TRIM21: variants seen among roughly 807,000 people sequenced by gnomAD.
TRIM21 encodes tripartite motif containing 21, also known as E3 ubiquitin-protein ligase TRIM21.
In TRIM21, 35 loss-of-function variants were observed where a neutral mutation model predicts 36.1. The observed-to-expected ratio is 0.97, with a 90% confidence interval of 0.74 to 1.28. TRIM21 has a LOEUF of 1.28. Among genes scored for constraint, TRIM21 ranks in the 50% most tolerant of loss-of-function variants. The pLI is 0.00. For synonymous variants in TRIM21, 256 were observed against 211.5 expected, an observed-to-expected ratio of 1.21 and a Z score of -1.83; for missense variants, 635 against 570.7, an observed-to-expected ratio of 1.11 and a Z score of -1.15.
At chr11:4,393,290 C>T (rs1016904212) in intron 1 of TRIM21, among the ~76,000 whole-genome samples, 2 of 152,170 alleles carry the variant, frequency 1.3e-5, no homozygotes, top group Non-Finnish European at 2.9e-5. Flanking sequence ...CACACCCAGC[C>T]GTCATCCTAG....
rs1278976242 is a variant in TRIM21 at position 4,388,343 on chromosome 11, T to C, written c.692A>G (p.Glu231Gly). The change falls in exon 4 of 7, where the codon GAG becomes GGG. Residue 231 changes from glutamate (E) to glycine (G), a missense_variant. By Grantham distance (98) the Glu-to-Gly change is moderately conservative. Transcript: ENST00000254436. ...QSQALQELIS[E>G]LDRRCHSSAL... is the part of the protein sequence containing the mutation. The stretch of plus-strand genomic sequence containing the variant: ...TGAGCTGTGGCACCTTCGATCTAGC[T>C]CTGAGATGAGCTCCTGTAGGGCCTG... 1 of 1,614,024 alleles carries C rather than the reference T, an allele frequency of 6.2e-7. No homozygotes were observed. The highest frequency in any genetic ancestry group is 1.7e-5 in the Admixed American group (1 of 60,028).
rs142506989 is a variant in TRIM21 at position 4,385,205 on chromosome 11, G to C, written c.*80C>G. ...CCTCTGCAGAGACAAAGGTGGTTCA[G>C]AGTTCATGGGGAAAAGAGGCAGGGT... is the stretch of plus-strand genomic sequence containing the variant. On this transcript the variant is annotated 3_prime_UTR_variant, in exon 7 of 7. Transcript: ENST00000254436. 4 of 1,391,486 alleles carry C rather than the reference G, an allele frequency of 2.9e-6. No homozygotes were observed. The highest frequency in any genetic ancestry group is 3.9e-6 in the Non-Finnish European group (4 of 1,029,692). 86.2% of individuals were successfully genotyped at this position (1,391,486 alleles called of 1,614,324 possible).
Position 4,388,516 on chromosome 11 carries a change from T to C in TRIM21, c.519A>G (p.Thr173=). The change falls in exon 4 of 7, where the codon ACA becomes ACG. Residue 173 remains threonine (T), a synonymous_variant. Transcript: ENST00000254436. ...ACTCTGCGTGAATCCTAGATTTCTG[T>C]GTTTCCACTGTTTTCTTTAGTGTCA... The part of the protein sequence containing the change: ...KRADWKKTVE[T]QKSRIHAEFV... The C allele has an allele frequency of 6.2e-7, 1 of 1,608,524 alleles. No individual in the cohort carries two copies. The highest frequency in any genetic ancestry group is 8.5e-7 in the Non-Finnish European group (1 of 1,179,822).
Position 4,385,357 on chromosome 11 carries a change from A to G in TRIM21, c.1356T>C (p.Asp452=), listed in dbSNP as rs775435709. Residue 452 remains aspartate, a synonymous_variant, in exon 7 of 7, where the codon GAT becomes GAC. Transcript: ENST00000254436. Reference sequence around the variant, plus strand: ...TTAGAGGGGCTGTGTTTTTTCCTCCATCATTGAAACCAGGACTGAAGAAGG... The same window carrying G: ...TTAGAGGGGCTGTGTTTTTTCCTCCGTCATTGAAACCAGGACTGAAGAAGG... ...LRPFFSPGFN[D]GGKNTAPLTL... 13 of 1,613,772 alleles carry G rather than the reference A, an allele frequency of 8.1e-6. No homozygotes were observed. Among genetic ancestry groups the G allele is most frequent in the South Asian group, 2.2e-5 (2 of 91,060 alleles).
At chr11:4,389,778 C>T in intron 2 of TRIM21, 29 bp from the exon 3 acceptor site, 1 of 1,601,536 alleles carries the variant, frequency 6.2e-7, no homozygotes, top group African/African-American at 1.3e-5. Context: ...TATTCGTCCC[C>T]CATGCAAACC....
chr11:4,389,708 C>G lies in TRIM21; in HGVS notation c.450G>C (p.Gln150His). Residue 150 changes from glutamine (Q) to histidine (H), a missense_variant, in exon 3 of 7, where the codon CAG (glutamine) becomes CAC (histidine). Transcript: ENST00000254436. ...QVALGELRRKQELAEKLEVEI... is the reference protein window; with the variant it reads ...QVALGELRRKHELAEKLEVEI... ...CCACTTCCAACTTCTCAGCCAACTC[C>G]TGCTTTCTTCTCAGTTCCCCTAATG... 1 of 1,613,986 alleles carries G rather than the reference C, an allele frequency of 6.2e-7. No individual in the cohort carries two copies. The highest frequency in any genetic ancestry group is 8.5e-7 in the Non-Finnish European group (1 of 1,179,892).
intron 5 of TRIM21, 70 bp from the exon 6 acceptor site, chr11:4,386,327 T>A: frequency 6.5e-6 from 8 of 1,222,742 alleles, no homozygotes; most frequent in Non-Finnish European, 9.6e-6. Context: ...TAACCTCCAT[T>A]GTGGAGGACT....
chr11:4,388,247 G>T lies in TRIM21; in HGVS notation c.735+53C>A, dbSNP rs568181621. ...TCAAATGGCAGTTCCAGATAGCTCT[G>T]GTCTTTTTCAGTTATTCCCTGAATT... On this transcript the variant is annotated intron_variant, in intron 4 of 6. Transcript: ENST00000254436. The T allele has an allele frequency of 4.6e-5, 68 of 1,485,768 alleles. No homozygotes were observed. In the African/African-American group the frequency reaches 9.1e-4, roughly 20 times the overall value. The allele number at this position is 1,485,768 out of a possible 1,614,324, so 92.0% of individuals were successfully genotyped here.
intron 6 of TRIM21, 39 bp downstream of exon 6, chr11:4,386,118 G>A: frequency 6.3e-7 from 1 of 1,588,314 alleles, no homozygotes. Flanking sequence ...GATCTACTCT[G>A]CACCCCATTA....
chr11:4,388,209 G>A (rs928939475), intron 4 of TRIM21, 91 bp downstream of exon 4: 47 of 1,099,480 alleles, frequency 4.3e-5, no homozygotes, highest in Admixed American at 2.3e-4. Flanking sequence ...CCAGGGACCA[G>A]GTGTCCATTT....
In TRIM21 at chr11:4,385,952, A is replaced by AG. The variant is rs372873276; in HGVS notation, c.860-100dup. 567 of 1,275,668 alleles carry AG rather than the reference A, an allele frequency of 4.4e-4. 2 individuals are homozygous for AG. Among genetic ancestry groups the AG allele is most frequent in the South Asian group, 1.3e-3 (86 of 67,222 alleles). 79.0% of individuals were successfully genotyped at this position (1,275,668 alleles called of 1,614,324 possible). ...TTGTGTAAACTCCAGGGTAAGCATG[A>AG]GGGGTGAACCTCCCTGTGTGAGGAA... On this transcript the variant is annotated intron_variant, in intron 6 of 6. Transcript: ENST00000254436.
intron 1 of TRIM21, among the ~76,000 whole-genome samples, chr11:4,391,584 C>T (rs1262562974): frequency 6.6e-6 from 1 of 150,576 alleles, no homozygotes; most frequent in Non-Finnish European, 1.5e-5. Context: ...GCATATACCC[C>T]AAAGAAAGGA....
At chr11:4,387,746 G>A (rs895971409) in intron 4 of TRIM21, among the ~76,000 whole-genome samples, 2 of 152,020 alleles carry the variant, frequency 1.3e-5, no homozygotes, top group South Asian at 2.1e-4. Context: ...CAGGAGAATC[G>A]CTTGAACCCG....
Position 4,389,647 on chromosome 11 carries a change from T to C in TRIM21, c.504+7A>G, listed in dbSNP as rs768115356. 2.2e-5 allele frequency: 36 copies of C among 1,612,710 alleles called. No individual in the cohort carries two copies. The Admixed American group carries it at 5.7e-4, about 25-fold the overall frequency. ...GCCTAAGATCTCCTTCAGGATGTCA[T>C]TCTTACCTTCCAGTCTGCTCTCTTT... On this transcript the variant is annotated splice_region_variant and intron_variant, in intron 3 of 6. Coordinates refer to ENST00000254436, the MANE Select transcript of TRIM21 (RefSeq NM_003141.4).
rs1419652464 is a variant in TRIM21, at chr11:4,390,223, G to T, written c.187C>A (p.Leu63Ile). The change falls in exon 2 of 7, where the codon CTC (leucine) becomes ATC (isoleucine). Residue 63 changes from leucine (L) to isoleucine (I), a missense_variant. Coordinates refer to ENST00000254436, the MANE Select transcript of TRIM21 (RefSeq NM_003141.4). ...TTGGCTAGCTGTCGATTGGGCCGGA[G>T]ATTCTTGAGCAGAAAGCGCTGCCGG... is the stretch of plus-strand genomic sequence containing the variant. ...VCRQRFLLKNLRPNRQLANMV... is the reference protein window; with the variant it reads ...VCRQRFLLKNIRPNRQLANMV... The T allele has an allele frequency of 1.9e-6, 3 of 1,614,030 alleles. No individual in the cohort carries two copies. In the South Asian group the frequency reaches 3.3e-5, roughly 18 times the overall value.
chr11:4,388,454 T>C lies in TRIM21; in HGVS notation c.581A>G (p.Gln194Arg), dbSNP rs2094959054. The change falls in exon 4 of 7, where the codon CAG (glutamine) becomes CGG (arginine). Residue 194 changes from glutamine (Q) to arginine (R), a missense_variant. Physicochemically the swap from Gln to Arg is conservative, Grantham distance 43 (BLOSUM62 1). Transcript: ENST00000254436. The part of the protein sequence containing the change: ...QQKNFLVEEE[Q>R]RQLQELEKDE... ...CTTCTCCAGCTCCTGCAGCTGCCTC[T>C]GTTCTTCTTCAACCAGGAAGTTTTT... 1 of 1,613,634 alleles carries C rather than the reference T, an allele frequency of 6.2e-7. No homozygotes were observed. Among genetic ancestry groups the C allele is most frequent in the Non-Finnish European group, 8.5e-7 (1 of 1,179,886 alleles).
chr11:4,389,540 G>T, intron 3 of TRIM21, 114 bp downstream of exon 3: 2 of 899,582 alleles, frequency 2.2e-6, no homozygotes, highest in Non-Finnish European at 3.7e-6. Flanking sequence ...GAGTGAGACG[G>T]ACCAACTCTA....
chr11:4,392,400 C>G (rs1248942791), intron 1 of TRIM21, among the ~76,000 whole-genome samples: 4 of 152,046 alleles, frequency 2.6e-5, no homozygotes, highest in South Asian at 4.1e-4. Flanking sequence ...AACCCTGTCT[C>G]TACTAAAAAT....
chr11:4,390,083 G>A lies in TRIM21; in HGVS notation c.327C>T (p.Ala109=), dbSNP rs767725911. 6.2e-7 allele frequency: 1 copy of A among 1,613,890 alleles called. No homozygotes were observed. Among genetic ancestry groups the A allele is most frequent in the Admixed American group, 1.7e-5 (1 of 60,012 alleles). The change falls in exon 2 of 7, where the codon GCC becomes GCT. Residue 109 remains alanine, a synonymous_variant. Transcript: ENST00000254436. ...LHLFCEKDGK[A]LCWVCAQSRK... is the part of the protein sequence containing the mutation. The stretch of plus-strand genomic sequence containing the variant: ...GAGACTGGGCACATACCCAGCAAAG[G>A]GCCTTCCCATCTTTCTCACAGAACA...
Sources: gnomAD v4.1 joint callset for allele counts (sites outside exome capture counted in the v4.1 genomes callset) on GRCh38, gnomAD v4.1.1 for gene constraint, MANE v1.5 for transcripts, NCBI Gene and HGNC (gene_info 2026-07-23, HGNC 2026-07-21) for gene names.